The following CELSR1 variants were observed in gnomAD, a reference collection of about 807,000 sequenced individuals.
The protein encoded by CELSR1 is cadherin EGF LAG seven-pass G-type receptor 1, also known as adhesion G protein-coupled receptor C1.
A neutral mutation model predicts 249.1 loss-of-function variants in CELSR1; 110 were observed. The observed-to-expected ratio is 0.44, with a 90% CI of 0.38 to 0.52. CELSR1 has a LOEUF of 0.52. Ranked by LOEUF, CELSR1 falls within the 20% of genes least tolerant of loss-of-function variation. The pLI is 0.00. For missense variants in CELSR1, 4,109 were observed against 4,296.4 expected, an observed-to-expected ratio of 0.96 and a Z score of 1.22; for synonymous variants, 2,113 against 1,900.0, an observed-to-expected ratio of 1.11 and a Z score of -2.92.
At chr22:46,491,500 T>A (rs1030296371) in intron 1 of CELSR1, among the ~76,000 whole-genome samples, 2 of 151,686 alleles carry the variant, frequency 1.3e-5, no homozygotes, top group Non-Finnish European at 2.9e-5. Context: ...CCTGACCTTG[T>A]GATCTGCCCA....
At chr22:46,439,495 C>T (rs2079715747) in intron 2 of CELSR1, 84 bp from the exon 3 acceptor site, 1 of 1,090,746 alleles carries the variant, frequency 9.2e-7, no homozygotes, top group Non-Finnish European at 1.3e-6. Flanking sequence ...ACCCTGGACA[C>T]ACCCCAGCCA....
intron 9 of CELSR1, among the ~76,000 whole-genome samples, chr22:46,404,709 G>C (rs1249081132): frequency 1.3e-5 from 2 of 152,080 alleles, no homozygotes; most frequent in Non-Finnish European, 2.9e-5. Context: ...GGCTGGTCTT[G>C]AACTCCTGAC....
In CELSR1 at chr22:46,526,365, A is replaced by C. The variant is rs2080738839; in HGVS notation, c.3544+7262T>G. On this transcript the variant is annotated intron_variant, in intron 1 of 34. Coordinates refer to ENST00000674500, the MANE Select transcript of CELSR1 (RefSeq NM_001378328.1). The surrounding 1 kb of genome is among the most constrained non-coding windows in gnomAD (Gnocchi z 4.7). ...TGCAGGACAGCTAGGTGCTGTGCGT[A>C]ACCCGCCAACTCTGCTGGGCCTTTA... 6.6e-6 allele frequency among the ~76,000 whole-genome samples: 1 copy of C among 152,184 alleles called. No individual in the cohort carries two copies. Among genetic ancestry groups the C allele is most frequent in the South Asian group, 2.1e-4 (1 of 4,830 alleles).
chr22:46,444,691 G>T (rs2079797384), intron 2 of CELSR1, among the ~76,000 whole-genome samples: 1 of 152,162 alleles, frequency 6.6e-6, no homozygotes, highest in Non-Finnish European at 1.5e-5. Context: ...CCCCAAACTG[G>T]AGGCTTAAAA....
At position 46,369,252 on chromosome 22, in the gene CELSR1, T is replaced by C. The variant is rs929717443; in HGVS notation, c.7879A>G (p.Thr2627Ala). 2 of 1,613,550 alleles carry C rather than the reference T, an allele frequency of 1.2e-6. No homozygotes were observed. The highest frequency in any genetic ancestry group is 1.7e-6 in the Non-Finnish European group (2 of 1,179,822). ...TTTGCAGATAGGACAGAAGTGACTG[T>C]GTTGATCTGAAAACAAAACAAGCCG... is the stretch of plus-strand genomic sequence containing the variant. ...GPIGAVIIIN[T>A]VTSVLSAKVS... The change falls in exon 27 of 35, where the codon ACA (threonine) becomes GCA (alanine). Residue 2627 changes from threonine (T) to alanine (A), a missense_variant. Physicochemically the swap from Thr to Ala is moderately conservative, Grantham distance 58 (BLOSUM62 0). Around this residue, in one of 7 missense-constraint regions of CELSR1, gnomAD observed 1,805 missense variants for 1,831.6 expected, o/e 0.99. Coordinates refer to ENST00000674500, the MANE Select transcript of CELSR1 (RefSeq NM_001378328.1).
intron 1 of CELSR1, among the ~76,000 whole-genome samples, chr22:46,479,333 ACC>A (rs376819323): frequency 2.0e-4 from 31 of 151,858 alleles, no homozygotes; most frequent in African/African-American, 7.5e-4. Context: ...AGCCGCTCCT[ACC>A]CCCGAGCCCG....
chr22:46,405,288 G>C (rs568190957), intron 9 of CELSR1, among the ~76,000 whole-genome samples: 15 of 151,386 alleles, frequency 9.9e-5, no homozygotes, highest in Non-Finnish European at 4.4e-5. Context: ...GTGAAACCCT[G>C]TCTCTACTAA....
intron 5 of CELSR1, among the ~76,000 whole-genome samples, chr22:46,415,939 C>T (rs547975756): frequency 3.7e-4 from 56 of 152,206 alleles, no homozygotes; most frequent in Non-Finnish European, 7.5e-4. Flanking sequence ...AGTGCGTCTC[C>T]GCTGAAAGGC....
rs1823824094 is a variant in CELSR1 at position 46,537,318 on chromosome 22, G to T, written c.-148C>A. 1.1e-6 allele frequency: 1 copy of T among 902,228 alleles called. No individual in the cohort carries two copies. The highest frequency in any genetic ancestry group is 1.8e-5 in the African/African-American group (1 of 55,310). The allele number at this position is 902,228 out of a possible 1,614,324, so 55.9% of individuals were successfully genotyped here. On this transcript the variant is annotated 5_prime_UTR_variant, in exon 1 of 35. Coordinates refer to ENST00000674500, the MANE Select transcript of CELSR1 (RefSeq NM_001378328.1). This position sits in a 1 kb window ranked among gnomAD's most constrained non-coding sequence, Gnocchi z 5.8. ...TCCCGCCTCCCCGGGGGCCCTGGCG[G>T]GGACTGTGGGGACCACGCGCCCGGC...
chr22:46,382,969 G>A (rs1170206355), intron 20 of CELSR1, among the ~76,000 whole-genome samples: 1 of 152,216 alleles, frequency 6.6e-6, no homozygotes, highest in Non-Finnish European at 1.5e-5. Flanking sequence ...GTTTAAACAT[G>A]AATGTATCTG....
At position 46,390,370 on chromosome 22, in the gene CELSR1, C is replaced by T; in HGVS notation, c.6345+22G>A. On this transcript the variant is annotated intron_variant, in intron 17 of 34. Coordinates refer to ENST00000674500, the MANE Select transcript of CELSR1 (RefSeq NM_001378328.1). The surrounding 1 kb of genome is among the most constrained non-coding windows in gnomAD (Gnocchi z 6.3). ...AACACACACGTGCCCCTGCTGAACA[C>T]ACATCCCCGAGGCGCCCCTACCATG... is the stretch of plus-strand genomic sequence containing the variant. 2.5e-6 allele frequency: 4 copies of T among 1,591,108 alleles called. No individual in the cohort carries two copies. Among genetic ancestry groups the T allele is most frequent in the Non-Finnish European group, 2.6e-6 (3 of 1,163,084 alleles).
Position 46,433,610 on chromosome 22 carries a change from G to A in CELSR1, c.4523-129C>T, listed in dbSNP as rs528696851. On this transcript the variant is annotated intron_variant, in intron 4 of 34. Coordinates refer to ENST00000674500, the MANE Select transcript of CELSR1 (RefSeq NM_001378328.1). This position sits in a 1 kb window ranked among gnomAD's most constrained non-coding sequence, Gnocchi z 5.7. ...GCCACGTCCTCCCTCCCCTCCCCAC[G>A]GCACCATGGTGGGAGGCGCCCACCA... 9 of 645,068 alleles carry A rather than the reference G, an allele frequency of 1.4e-5. No homozygotes were observed. The highest frequency in any genetic ancestry group is 5.4e-5 in the Admixed American group (2 of 37,042). 40.0% of individuals were successfully genotyped at this position (645,068 alleles called of 1,614,324 possible). A position where few individuals can be genotyped will look rare whatever the true frequency, so the allele number is the denominator to read the frequency against.
chr22:46,413,469 A>G lies in CELSR1; in HGVS notation c.4612-1710T>C, dbSNP rs776205772. 6.6e-6 allele frequency among the ~76,000 whole-genome samples: 1 copy of G among 152,128 alleles called. No individual in the cohort carries two copies. Among genetic ancestry groups the G allele is most frequent in the Admixed American group, 6.5e-5 (1 of 15,278 alleles). On this transcript the variant is annotated intron_variant, in intron 5 of 34. Transcript: ENST00000674500. This position sits in a 1 kb window ranked among gnomAD's most constrained non-coding sequence, Gnocchi z 4.7. The stretch of plus-strand genomic sequence containing the variant: ...GAGTGAGACCCATGACTGTACCTCA[A>G]TTTCTTTTTGTGCAAGATAACGATT...
intron 1 of CELSR1, chr22:46,530,250 G>A (rs2080778288): frequency 6.6e-6 from 1 of 152,240 alleles, no homozygotes; most frequent in African/African-American, 2.4e-5. Context: ...GCTGGGGCAA[G>A]AGAGCAAGAC....
Position 46,409,292 on chromosome 22 carries a change from G to T in CELSR1, c.5060-130C>A. ...TTCACTTTAACACGAAGGTGGGTCT[G>T]AGCCTCCCCTCTGTGACGCATCCAG... On this transcript the variant is annotated intron_variant, in intron 8 of 34. Transcript: ENST00000674500. This position sits in a 1 kb window ranked among gnomAD's most constrained non-coding sequence, Gnocchi z 9.8. 12 of 901,678 alleles carry T rather than the reference G, an allele frequency of 1.3e-5. No homozygotes were observed. Among genetic ancestry groups the T allele is most frequent in the Non-Finnish European group, 2.0e-5 (12 of 610,168 alleles). The allele number at this position is 901,678 out of a possible 1,614,324, so 55.9% of individuals were successfully genotyped here.
At chr22:46,419,580 C>T (rs553253456) in intron 5 of CELSR1, among the ~76,000 whole-genome samples, 14 of 152,356 alleles carry the variant, frequency 9.2e-5, no homozygotes, top group Non-Finnish European at 1.5e-4. Context: ...CCCCACAACA[C>T]AGTAGCCTGA....
intron 23 of CELSR1, chr22:46,377,510 T>A: frequency 1.9e-6 from 1 of 537,196 alleles, no homozygotes; most frequent in East Asian, 3.2e-5. Context: ...TCCACTGGCT[T>A]GGGGGCCGTT....
Position 46,506,540 on chromosome 22 carries a change from C to T in CELSR1, c.3544+27087G>A, listed in dbSNP as rs548432553. Among the ~76,000 whole-genome samples, 1 of 152,226 alleles carries T rather than the reference C, an allele frequency of 6.6e-6. No homozygotes were observed. Among genetic ancestry groups the T allele is most frequent in the Non-Finnish European group, 1.5e-5 (1 of 68,038 alleles). On this transcript the variant is annotated intron_variant, in intron 1 of 34. Transcript: ENST00000674500. The surrounding 1 kb of genome is among the most constrained non-coding windows in gnomAD (Gnocchi z 4.1). ...AGCCTCAGCCCCAGCCCCAGCCCCC[C>T]AAGTCTCACAAGTCCAGAGAGCTGT...
At chr22:46,386,051 C>T (rs545674710) in intron 19 of CELSR1, among the ~76,000 whole-genome samples, 6 of 151,030 alleles carry the variant, frequency 4.0e-5, no homozygotes, top group Non-Finnish European at 8.8e-5. Flanking sequence ...CTCACTGCAA[C>T]CTCTGCCTCC....
Sources: allele counts gnomAD v4.1 joint callset (sites outside exome capture counted in the v4.1 genomes callset), GRCh38; gene constraint gnomAD v4.1.1; regional missense constraint gnomAD v4.1.1; non-coding constraint Gnocchi (gnomAD v3.1); transcripts MANE v1.5; gene names NCBI Gene and HGNC (gene_info 2026-07-23, HGNC 2026-07-21).